RAPGEF2: variants seen among roughly 807,000 people sequenced by gnomAD.
RAPGEF2 encodes Rap guanine nucleotide exchange factor 2.
In RAPGEF2, 54 loss-of-function variants were observed where a neutral mutation model predicts 186.7. That is an observed-to-expected ratio of 0.29 (90% confidence interval 0.23 to 0.36). The LOEUF is 0.36. RAPGEF2 is among the 10% of genes least tolerant of loss of function. RAPGEF2 has a pLI of 1.00. For synonymous variants in RAPGEF2, 712 were observed against 705.9 expected (o/e 1.01, Z -0.14); for missense variants, 1,532 against 2,045.0 (o/e 0.75, Z 4.84).
chr4:159,350,892 C>CT (rs1482997504), intron 26 of RAPGEF2, among the ~76,000 whole-genome samples: 6 of 152,268 alleles, frequency 3.9e-5, no homozygotes, highest in Admixed American at 2.0e-4. Flanking sequence ...GTAGTTTTCC[C>CT]TAAAGGAAAG....
chr4:159,119,175 A>G (rs954811428), intron 1 of RAPGEF2, among the ~76,000 whole-genome samples: 44 of 152,182 alleles, frequency 2.9e-4, no homozygotes, highest in African/African-American at 1.0e-3. Context: ...AAAGGTAGAC[A>G]GTGCAGGGTT....
intron 1 of RAPGEF2, among the ~76,000 whole-genome samples, chr4:159,185,532 A>G (rs914540157): frequency 1.3e-5 from 2 of 152,238 alleles, no homozygotes; most frequent in African/African-American, 2.4e-5. Context: ...AAACCTTGAA[A>G]ACATTGTGCT....
intron 1 of RAPGEF2, among the ~76,000 whole-genome samples, chr4:159,185,042 A>T (rs971811492): frequency 6.6e-6 from 1 of 152,180 alleles, no homozygotes; most frequent in African/African-American, 2.4e-5. Context: ...CACTTATCCA[A>T]GAAGTTATAT....
chr4:159,167,555 CT>C (rs1205649335), intron 1 of RAPGEF2, among the ~76,000 whole-genome samples: 2 of 152,224 alleles, frequency 1.3e-5, no homozygotes, highest in African/African-American at 4.8e-5. Flanking sequence ...CACTGGGTGC[CT>C]TCCCGAAGTT....
Position 159,313,544 on chromosome 4 carries a change from ATC to A in RAPGEF2, c.676-1045_676-1044del, listed in dbSNP as rs566884158. 7.5e-3 allele frequency among the ~76,000 whole-genome samples: 1,134 copies of A among 152,214 alleles called. 8 individuals are homozygous for A. Among genetic ancestry groups the A allele is most frequent in the Non-Finnish European group, 0.011 (741 of 67,988 alleles). On this transcript the variant is annotated intron_variant, in intron 8 of 29. Transcript: ENST00000691494. ...ATCAAAGTCAGTATTTTATATTTTT[ATC>A]TTTCTTTTAAAAAATATTTTTTTCT...
chr4:159,334,761 A>G (rs537004065), intron 17 of RAPGEF2, among the ~76,000 whole-genome samples: 33 of 152,374 alleles, frequency 2.2e-4, no homozygotes, highest in African/African-American at 6.0e-4. Context: ...ATTTTGTTCT[A>G]TGTGTATTTA....
At chr4:159,144,017 CTA>C (rs1440126436) in intron 1 of RAPGEF2, among the ~76,000 whole-genome samples, 2 of 152,094 alleles carry the variant, frequency 1.3e-5, no homozygotes, top group Non-Finnish European at 1.5e-5. Context: ...TTTTTCCTGT[CTA>C]TGTGTATATG....
chr4:159,339,454 A>C, intron 19 of RAPGEF2, 100 bp downstream of exon 19: 2 of 1,376,176 alleles, frequency 1.5e-6, no homozygotes, highest in Non-Finnish European at 2.0e-6. Context: ...TAAATGAGTA[A>C]GTGTCCCTGC....
chr4:159,314,936 T>G (rs1316448796), intron 9 of RAPGEF2, among the ~76,000 whole-genome samples, 168 bp downstream of exon 9: 1 of 152,120 alleles, frequency 6.6e-6, no homozygotes, highest in East Asian at 1.9e-4. Context: ...AAAAATCAGG[T>G]TTACTCAGTC....
Position 159,104,218 on chromosome 4 carries a change from A to G in RAPGEF2, c.56A>G (p.Glu19Gly). Residue 19 changes from glutamate to glycine, a missense_variant, in exon 1 of 30, where the codon GAA (glutamate) becomes GGA (glycine). Around this residue, in one of 4 missense-constraint regions of RAPGEF2, gnomAD observed 810 missense variants for 1,210.5 expected, o/e 0.67. Transcript: ENST00000691494. ...FRQAVMKNPPERTPQDLEIVY... is the reference protein window; with the variant it reads ...FRQAVMKNPPGRTPQDLEIVY... ...CAGGCGGTGATGAAGAATCCCCCCG[A>G]AAGGACCCCCCAGGTGAGAACGCGG... is the stretch of plus-strand genomic sequence containing the variant. 1 of 1,046,850 alleles carries G rather than the reference A, an allele frequency of 9.6e-7. No individual in the cohort carries two copies. Among genetic ancestry groups the G allele is most frequent in the Non-Finnish European group, 1.2e-6 (1 of 823,930 alleles). 64.8% of individuals were successfully genotyped at this position (1,046,850 alleles called of 1,614,324 possible). A position where few individuals can be genotyped will look rare whatever the true frequency, so the allele number is the denominator to read the frequency against.
chr4:159,268,099 C>T (rs1757654164), intron 7 of RAPGEF2: 47 of 1,596,856 alleles, frequency 2.9e-5, no homozygotes, highest in Non-Finnish European at 3.8e-5. Context: ...GGTGACTTGC[C>T]ATCGTGAGAG....
intron 1 of RAPGEF2, among the ~76,000 whole-genome samples, chr4:159,126,832 C>T (rs1278984125): frequency 6.6e-6 from 1 of 152,016 alleles, no homozygotes. Flanking sequence ...GGAAAAAACC[C>T]GAGTCCTCAT....
chr4:159,313,602 G>T (rs991539799), intron 8 of RAPGEF2, among the ~76,000 whole-genome samples: 1 of 151,634 alleles, frequency 6.6e-6, no homozygotes, highest in Admixed American at 6.6e-5. Flanking sequence ...TTTGAGAATC[G>T]TATGGGCTAT....
intron 1 of RAPGEF2, among the ~76,000 whole-genome samples, chr4:159,128,445 T>TA (rs1261405216): frequency 6.6e-6 from 1 of 152,144 alleles, no homozygotes; most frequent in Non-Finnish European, 1.5e-5. Flanking sequence ...TGTAAAGTAT[T>TA]ACTATTGCTG....
At chr4:159,315,424 C>G (rs533642633) in intron 9 of RAPGEF2, among the ~76,000 whole-genome samples, 19 of 152,020 alleles carry the variant, frequency 1.2e-4, no homozygotes, top group Non-Finnish European at 2.8e-4. Context: ...GCCTAGTACC[C>G]TGTAGGGACC....
At chr4:159,255,505 TC>T (rs1268182967) in intron 7 of RAPGEF2, among the ~76,000 whole-genome samples, 1 of 152,148 alleles carries the variant, frequency 6.6e-6, no homozygotes, top group African/African-American at 2.4e-5. Context: ...CAAAATTCTT[TC>T]GGTAATCAGC....
At chr4:159,202,252 C>T (rs1368718734) in intron 3 of RAPGEF2, among the ~76,000 whole-genome samples, 1 of 152,200 alleles carries the variant, frequency 6.6e-6, no homozygotes, top group Non-Finnish European at 1.5e-5. Context: ...CCGCTTCAGG[C>T]TTGGCCATAT....
intron 1 of RAPGEF2, among the ~76,000 whole-genome samples, chr4:159,178,490 TAGAG>T (rs928784337): frequency 2.6e-5 from 4 of 151,686 alleles, no homozygotes; most frequent in African/African-American, 9.7e-5. Context: ...AAGGAGAAAT[TAGAG>T]AGCCCAGGAT....
At chr4:159,214,120 T>C (rs1337332373) in intron 4 of RAPGEF2, among the ~76,000 whole-genome samples, 1 of 152,318 alleles carries the variant, frequency 6.6e-6, no homozygotes, top group South Asian at 2.1e-4. Context: ...AATTTAAGAA[T>C]GGAGTGTATG....
Sources: allele counts gnomAD v4.1 joint callset (sites outside exome capture counted in the v4.1 genomes callset), GRCh38; gene constraint gnomAD v4.1.1; regional missense constraint gnomAD v4.1.1; transcripts MANE v1.5; gene names NCBI Gene and HGNC (gene_info 2026-07-23, HGNC 2026-07-21).